The following WDR33 variants were observed in gnomAD, a reference collection of about 807,000 sequenced individuals.
WDR33 encodes the protein WD repeat domain 33, also known as pre-mRNA 3' end processing protein WDR33.
In WDR33, 47 loss-of-function variants were observed where a neutral mutation model predicts 164.9. That is an observed-to-expected ratio of 0.29 (90% CI 0.23 to 0.36). The LOEUF (loss-of-function observed/expected upper bound fraction) is 0.36, where lower values mean the gene tolerates loss of function less well. WDR33 is among the 10% of genes least tolerant of loss of function. The pLI is 1.00. For missense variants in WDR33, 1,137 were observed against 1,754.1 expected (o/e 0.65, Z 6.28); for synonymous variants, 505 against 589.0 (o/e 0.86, Z 2.06).
At chr2:127,759,407 C>T (rs980227158) in intron 7 of WDR33, among the ~76,000 whole-genome samples, 3 of 152,110 alleles carry the variant, frequency 2.0e-5, no homozygotes, top group Non-Finnish European at 2.9e-5. Flanking sequence ...AAAGCAACTA[C>T]AGGCCAGGCA....
chr2:127,759,567 T>C (rs1024731146), intron 7 of WDR33, among the ~76,000 whole-genome samples: 2 of 152,228 alleles, frequency 1.3e-5, no homozygotes, highest in Non-Finnish European at 2.9e-5. Flanking sequence ...GACACATGCC[T>C]GTAATCCCAG....
intron 7 of WDR33, chr2:127,737,768 A>AGAG: frequency 7.8e-7 from 1 of 1,275,400 alleles, no homozygotes; most frequent in East Asian, 3.5e-5. Context: ...AAAGCAAGGT[A>AGAG]GAGGTGAATG....
chr2:127,725,290 G>C, intron 8 of WDR33, 75 bp from the exon 9 acceptor site: 1 of 1,435,692 alleles, frequency 7.0e-7, no homozygotes, highest in Non-Finnish European at 9.3e-7. Flanking sequence ...TTGTTGAAAA[G>C]CGAATTAATC....
chr2:127,758,633 G>A (rs1687586501), intron 7 of WDR33, among the ~76,000 whole-genome samples: 1 of 152,156 alleles, frequency 6.6e-6, no homozygotes, highest in Non-Finnish European at 1.5e-5. Context: ...TGAGTATAAT[G>A]GGGAGGGGTG....
chr2:127,737,993 A>G, intron 7 of WDR33: 1 of 1,611,818 alleles, frequency 6.2e-7, no homozygotes, highest in Non-Finnish European at 8.5e-7. Flanking sequence ...AACTTTGTCC[A>G]CCTACTGTTA....
intron 1 of WDR33, among the ~76,000 whole-genome samples, chr2:127,773,461 G>A (rs1371151752): frequency 2.0e-5 from 3 of 152,010 alleles, no homozygotes; most frequent in African/African-American, 2.4e-5. Context: ...CCTGACTTTC[G>A]CACACCAAAA....
intron 18 of WDR33, among the ~76,000 whole-genome samples, chr2:127,711,781 T>TATATATATATATATATATATATATATA (rs1491108798): frequency 3.2e-5 from 3 of 93,996 alleles, no homozygotes; most frequent in African/African-American, 1.2e-4. Flanking sequence ...TATATATATA[T>TATATATATATATATATATATATATATA]TTTTTTTTTG....
rs1457901178 is a variant in WDR33 at position 127,706,003 on chromosome 2, C to T, written c.*320G>A. Reference sequence around the variant, plus strand: ...AAACTGTACACATAGAAACAAATTTCCAAATGGACAGGAACTTAAATTTGT... The same window carrying T: ...AAACTGTACACATAGAAACAAATTTTCAAATGGACAGGAACTTAAATTTGT... On this transcript the variant is annotated 3_prime_UTR_variant, in exon 22 of 22. Coordinates refer to ENST00000322313, the MANE Select transcript of WDR33 (RefSeq NM_018383.5). The surrounding 1 kb of genome is among the most constrained non-coding windows in gnomAD (Gnocchi z 5.1). 2 of 306,172 alleles carry T rather than the reference C, an allele frequency of 6.5e-6. No individual in the cohort carries two copies. The highest frequency in any genetic ancestry group is 1.6e-4 in the South Asian group (1 of 6,282). 19.0% of individuals were successfully genotyped at this position (306,172 alleles called of 1,614,324 possible).
chr2:127,743,157 GA>G (rs1411600614), intron 7 of WDR33, among the ~76,000 whole-genome samples: 1 of 151,564 alleles, frequency 6.6e-6, no homozygotes, highest in Non-Finnish European at 1.5e-5. Context: ...ACTGAACTGG[GA>G]AAAAATAAAA....
Position 127,701,791 on chromosome 2 carries a change from C to A in WDR33, c.*4532G>T, listed in dbSNP as rs1685891446. 1.4e-6 allele frequency: 2 copies of A among 1,451,208 alleles called. No homozygotes were observed. The highest frequency in any genetic ancestry group is 1.8e-6 in the Non-Finnish European group (2 of 1,105,152). The allele number at this position is 1,451,208 out of a possible 1,614,324, so 89.9% of individuals were successfully genotyped here. A position where few individuals can be genotyped will look rare whatever the true frequency, so the allele number is the denominator to read the frequency against. Reference sequence around the variant, plus strand: ...GGCGGCGGGTGCCTGCTGCTGGCTGCACTGTGTTTCGGCCTAGCCGCGCTC... The same window carrying A: ...GGCGGCGGGTGCCTGCTGCTGGCTGAACTGTGTTTCGGCCTAGCCGCGCTC... On this transcript the variant is annotated 3_prime_UTR_variant, in exon 22 of 22. Coordinates refer to ENST00000322313, the MANE Select transcript of WDR33 (RefSeq NM_018383.5).
At position 127,726,878 on chromosome 2, in the gene WDR33, T is replaced by C; in HGVS notation, c.725-101A>G. On this transcript the variant is annotated intron_variant, in intron 7 of 21. Coordinates refer to ENST00000322313, the MANE Select transcript of WDR33 (RefSeq NM_018383.5). This position sits in a 1 kb window ranked among gnomAD's most constrained non-coding sequence, Gnocchi z 4.8. ...CTAGTAAATGTTTTGCTCTCAGTGC[T>C]CAGTCAACTTAAAACTTGTTTTGTG... 1 of 1,474,016 alleles carries C rather than the reference T, an allele frequency of 6.8e-7. No individual in the cohort carries two copies. Among genetic ancestry groups the C allele is most frequent in the Non-Finnish European group, 9.2e-7 (1 of 1,089,930 alleles). The allele number at this position is 1,474,016 out of a possible 1,614,324, so 91.3% of individuals were successfully genotyped here.
At position 127,701,394 on chromosome 2, in the gene WDR33, G is replaced by T. The variant is rs1204806997; in HGVS notation, c.*4929C>A. On this transcript the variant is annotated 3_prime_UTR_variant, in exon 22 of 22. Transcript: ENST00000322313. ...CACAAAAGTCCGCAGAGCAGGCACC[G>T]CGGCACTTCCGCGAGCGCCGCAGGC... The T allele has an allele frequency of 9.1e-6, 8 of 878,250 alleles. No individual in the cohort carries two copies. Among genetic ancestry groups the T allele is most frequent in the African/African-American group, 7.0e-5 (4 of 57,046 alleles). 54.4% of individuals were successfully genotyped at this position (878,250 alleles called of 1,614,324 possible).
rs1338597240 is a variant in WDR33 at position 127,750,696 on chromosome 2, A to C, written c.724+12366T>G. ...AAAAAAAATATATATATATATATAT[A>C]TATATATATATATATATGTATGTAT... is the stretch of plus-strand genomic sequence containing the variant. On this transcript the variant is annotated intron_variant, in intron 7 of 21. Coordinates refer to ENST00000322313, the MANE Select transcript of WDR33 (RefSeq NM_018383.5). Among the ~76,000 whole-genome samples, 337 of 61,778 alleles carry C rather than the reference A, an allele frequency of 5.5e-3. 11 individuals carry two copies. Among genetic ancestry groups the C allele is most frequent in the African/African-American group, 0.027 (315 of 11,846 alleles). 40.5% of individuals were successfully genotyped at this position (61,778 alleles called of 152,430 possible).
chr2:127,781,720 C>T (rs142948543), intron 1 of WDR33, among the ~76,000 whole-genome samples: 11 of 151,988 alleles, frequency 7.2e-5, no homozygotes, highest in Middle Eastern at 3.4e-3. Context: ...ATGCTGAGGC[C>T]GGGTGCAGTG....
rs1428997024 is a variant in WDR33 at position 127,702,770 on chromosome 2, A to T, written c.*3553T>A. The stretch of plus-strand genomic sequence containing the variant: ...AATCATAAATATGGTGCCTTATAAC[A>T]TGAAAGGAAAATTAGTTGTGTATTT... On this transcript the variant is annotated 3_prime_UTR_variant, in exon 22 of 22. Coordinates refer to ENST00000322313, the MANE Select transcript of WDR33 (RefSeq NM_018383.5). 6.0e-6 allele frequency: 1 copy of T among 167,096 alleles called. No homozygotes were observed. The highest frequency in any genetic ancestry group is 2.4e-5 in the African/African-American group (1 of 41,454). The allele number at this position is 167,096 out of a possible 1,614,324, so 10.4% of individuals were successfully genotyped here. A position where few individuals can be genotyped will look rare whatever the true frequency, so the allele number is the denominator to read the frequency against.
At position 127,763,300 on chromosome 2, in the gene WDR33, G is replaced by C. The variant is rs1167232076; in HGVS notation, c.627-141C>G. On this transcript the variant is annotated intron_variant, in intron 6 of 21. Transcript: ENST00000322313. The surrounding 1 kb of genome is among the most constrained non-coding windows in gnomAD (Gnocchi z 4.5). Reference sequence around the variant, plus strand: ...AATCCAGTGAAGAAGCCCTTAAAGTGAATGTCGTCAGCTAACATAGGCATC... The same window carrying C: ...AATCCAGTGAAGAAGCCCTTAAAGTCAATGTCGTCAGCTAACATAGGCATC... The C allele has an allele frequency of 4.8e-6, 7 of 1,467,370 alleles. No individual in the cohort carries two copies. Among genetic ancestry groups the C allele is most frequent in the Non-Finnish European group, 5.4e-6 (6 of 1,109,958 alleles). 90.9% of individuals were successfully genotyped at this position (1,467,370 alleles called of 1,614,324 possible).
At chr2:127,727,408 T>C (rs1445637248) in intron 7 of WDR33, among the ~76,000 whole-genome samples, 4 of 152,182 alleles carry the variant, frequency 2.6e-5, no homozygotes, top group Non-Finnish European at 5.9e-5. Flanking sequence ...TGAGCACTTA[T>C]AAGCATCATC....
intron 1 of WDR33, among the ~76,000 whole-genome samples, chr2:127,780,509 CAGG>C (rs1573449796): frequency 6.6e-6 from 1 of 152,154 alleles, no homozygotes; most frequent in African/African-American, 2.4e-5. Context: ...CCTGAAAAAT[CAGG>C]AGAAATTACA....
At chr2:127,800,391 T>G (rs753622195) in intron 1 of WDR33, among the ~76,000 whole-genome samples, 1 of 151,998 alleles carries the variant, frequency 6.6e-6, no homozygotes, top group African/African-American at 2.4e-5. Context: ...TCCCAGCACT[T>G]TGGGAGGCCG....
Sources: gnomAD v4.1 joint callset for allele counts (sites outside exome capture counted in the v4.1 genomes callset) on GRCh38, gnomAD v4.1.1 for gene constraint, Gnocchi (gnomAD v3.1) non-coding constraint, MANE v1.5 for transcripts, NCBI Gene and HGNC (gene_info 2026-07-23, HGNC 2026-07-21) for gene names.